The following MYO1D variants were observed in gnomAD, a reference collection of about 807,000 sequenced individuals.
MYO1D encodes the protein unconventional myosin-Id.
Under a neutral mutation model 122.0 loss-of-function variants are expected in MYO1D, and 83 were observed. The ratio of observed to expected loss-of-function variants is 0.68; its 90% confidence interval spans 0.57 to 0.82. The LOEUF is 0.82. Ranked by LOEUF, MYO1D falls within the 40% of genes least tolerant of loss-of-function variation. MYO1D has a pLI of 0.00. For synonymous variants in MYO1D, 464 were observed against 446.9 expected (o/e 1.04, Z -0.48); for missense variants, 1,157 against 1,269.5 (o/e 0.91, Z 1.35).
intron 19 of MYO1D, among the ~76,000 whole-genome samples, chr17:32,643,696 G>A (rs563433446): frequency 5.3e-4 from 80 of 152,252 alleles, no homozygotes; most frequent in Admixed American, 2.2e-3. Flanking sequence ...AGATTTTTTA[G>A]TTTATTTGCG....
chr17:32,775,909 C>T lies in MYO1D; in HGVS notation c.519G>A (p.Lys173=). Residue 173 remains lysine, a synonymous_variant, in exon 4 of 22, where the codon AAG becomes AAA. Coordinates refer to ENST00000318217, the MANE Select transcript of MYO1D (RefSeq NM_015194.3). ...TGATATGCCCACCAATAGGGTCACC[C>T]TTGAAGTCAAAGTTGATATCCATGT... ...GKYMDINFDF[K]GDPIGGHINN... 7.4e-6 allele frequency: 12 copies of T among 1,613,704 alleles called. No individual in the cohort carries two copies. Among genetic ancestry groups the T allele is most frequent in the Non-Finnish European group, 1.0e-5 (12 of 1,179,780 alleles).
At chr17:32,793,975 G>A (rs1488784742) in intron 1 of MYO1D, among the ~76,000 whole-genome samples, 2 of 152,234 alleles carry the variant, frequency 1.3e-5, no homozygotes, top group Non-Finnish European at 2.9e-5. Context: ...AATAGCAGAA[G>A]TCATAAGAAT....
At position 32,577,990 on chromosome 17, in the gene MYO1D, C is replaced by T. The variant is rs1250879139; in HGVS notation, c.2864+27097G>A. Among the ~76,000 whole-genome samples the T allele has an allele frequency of 2.6e-5, 4 of 152,176 alleles. No individual in the cohort carries two copies. In the South Asian group the frequency reaches 8.3e-4, roughly 32 times the overall value. On this transcript the variant is annotated intron_variant, in intron 21 of 21. Coordinates refer to ENST00000318217, the MANE Select transcript of MYO1D (RefSeq NM_015194.3). The stretch of plus-strand genomic sequence containing the variant: ...TCCTGACCTCGTGATCCGCCCATCT[C>T]GGCCTCCCAAAGCGCTGGGATTACA...
rs1365385426 is a variant in MYO1D, at chr17:32,493,195, A to C, written c.*1564T>G. ...GCACCTCTGCCTGTGCAGGCAGCTG[A>C]CCAGGCTTGGAGAATGAGAAAGGGT... On this transcript the variant is annotated 3_prime_UTR_variant, in exon 22 of 22. Transcript: ENST00000318217. 1 of 152,234 alleles carries C rather than the reference A, an allele frequency of 6.6e-6. No homozygotes were observed. Among genetic ancestry groups the C allele is most frequent in the Non-Finnish European group, 1.5e-5 (1 of 68,038 alleles). The allele number at this position is 152,234 out of a possible 1,614,324, so 9.4% of individuals were successfully genotyped here.
At chr17:32,859,140 T>C (rs1306559863) in intron 1 of MYO1D, among the ~76,000 whole-genome samples, 1 of 152,228 alleles carries the variant, frequency 6.6e-6, no homozygotes, top group African/African-American at 2.4e-5. Context: ...ACATAATGTA[T>C]GGATATAGGT....
At chr17:32,789,848 G>C (rs533859518) in intron 1 of MYO1D, among the ~76,000 whole-genome samples, 2 of 152,264 alleles carry the variant, frequency 1.3e-5, no homozygotes, top group South Asian at 2.1e-4. Context: ...ACGGTTTTGG[G>C]GGGTATTGCT....
intron 8 of MYO1D, among the ~76,000 whole-genome samples, chr17:32,762,169 A>T (rs2090008247): frequency 6.6e-6 from 1 of 151,868 alleles, no homozygotes; most frequent in Non-Finnish European, 1.5e-5. Flanking sequence ...GAGAGGAGAG[A>T]AGAGCAGTCC....
intron 10 of MYO1D, among the ~76,000 whole-genome samples, chr17:32,757,270 TCTAAA>T (rs1227138429): frequency 1.3e-5 from 2 of 152,166 alleles, no homozygotes; most frequent in African/African-American, 2.4e-5. Context: ...TTCTGATCTG[TCTAAA>T]CTAAAGTTTC....
Position 32,812,256 on chromosome 17 carries a change from C to T in MYO1D, c.96-31472G>A, listed in dbSNP as rs139730861. On this transcript the variant is annotated intron_variant, in intron 1 of 21. Transcript: ENST00000318217. ...TACAGAAGGGATATTGAGGGCTACACAGAAGTGGCTGAAGTCATCAGGTAT... is the reference window on the plus strand; with the variant it reads ...TACAGAAGGGATATTGAGGGCTACATAGAAGTGGCTGAAGTCATCAGGTAT... 2.0e-5 allele frequency among the ~76,000 whole-genome samples: 3 copies of T among 152,328 alleles called. No individual in the cohort carries two copies. The East Asian group carries it at 5.8e-4, about 29-fold the overall frequency.
chr17:32,514,591 C>T (rs373651633), intron 21 of MYO1D, among the ~76,000 whole-genome samples: 5 of 152,168 alleles, frequency 3.3e-5, no homozygotes, highest in African/African-American at 9.7e-5. Flanking sequence ...TCTCCAAAAT[C>T]GTGGTGACCT....
At chr17:32,758,486 C>G (rs2089969689) in intron 10 of MYO1D, among the ~76,000 whole-genome samples, 1 of 152,026 alleles carries the variant, frequency 6.6e-6, no homozygotes, top group Admixed American at 6.6e-5. Flanking sequence ...GTAAAACTCT[C>G]TTAGAGAAAT....
chr17:32,613,432 T>C (rs2087728694), intron 20 of MYO1D, among the ~76,000 whole-genome samples: 1 of 152,100 alleles, frequency 6.6e-6, no homozygotes, highest in Non-Finnish European at 1.5e-5. Context: ...ATAAACACCA[T>C]GACCATGAGC....
At chr17:32,718,216 C>T (rs925608047) in intron 15 of MYO1D, among the ~76,000 whole-genome samples, 1 of 152,220 alleles carries the variant, frequency 6.6e-6, no homozygotes, top group Non-Finnish European at 1.5e-5. Flanking sequence ...TTCTGACAAA[C>T]GTGTATACTC....
intron 14 of MYO1D, among the ~76,000 whole-genome samples, chr17:32,726,576 ATAT>A (rs2089576446): frequency 6.7e-6 from 1 of 149,630 alleles, no homozygotes; most frequent in Non-Finnish European, 1.5e-5. Flanking sequence ...AAATAGATAT[ATAT>A]TATATCTATA....
At chr17:32,655,972 C>T (rs1253212533) in intron 17 of MYO1D, among the ~76,000 whole-genome samples, 1 of 152,072 alleles carries the variant, frequency 6.6e-6, no homozygotes, top group Non-Finnish European at 1.5e-5. Flanking sequence ...GATGTGGGGG[C>T]CAGAGAGGAT....
At chr17:32,587,919 A>G (rs761460428) in intron 21 of MYO1D, among the ~76,000 whole-genome samples, 10 of 152,276 alleles carry the variant, frequency 6.6e-5, no homozygotes, top group African/African-American at 9.6e-5. Flanking sequence ...AAACAAAATG[A>G]AAATCAATCA....
chr17:32,503,075 A>ACTCTT (rs1909371930), intron 21 of MYO1D, among the ~76,000 whole-genome samples: 2 of 151,906 alleles, frequency 1.3e-5, no homozygotes, highest in Non-Finnish European at 2.9e-5. Flanking sequence ...TTTCATTTAG[A>ACTCTT]CTCTTGTCTT....
At chr17:32,824,964 A>G (rs1327282538) in intron 1 of MYO1D, among the ~76,000 whole-genome samples, 1 of 152,114 alleles carries the variant, frequency 6.6e-6, no homozygotes, top group East Asian at 1.9e-4. Flanking sequence ...AAGGGAGGAA[A>G]TTTCATGTTT....
intron 1 of MYO1D, among the ~76,000 whole-genome samples, chr17:32,821,567 CAT>C (rs2090665659): frequency 6.6e-6 from 1 of 151,820 alleles, no homozygotes; most frequent in Non-Finnish European, 1.5e-5. Context: ...CACACACACA[CAT>C]CTTTGACTGG....
Sources: allele counts gnomAD v4.1 joint callset (sites outside exome capture counted in the v4.1 genomes callset), GRCh38; gene constraint gnomAD v4.1.1; transcripts MANE v1.5; gene names NCBI Gene and HGNC (gene_info 2026-07-23, HGNC 2026-07-21).